Variants in LOC128462377 observed in about 807,000 individuals in gnomAD.
At chr16:89,381,667 C>G in the LOC128462377 span, among the ~76,000 whole-genome samples, 2 of 152,168 alleles carry the variant, frequency 1.3e-5, no homozygotes, top group African/African-American at 4.8e-5. Flanking sequence ...ATCACAGAAA[C>G]CCACCTTCAG....
At chr16:89,370,352 G>A in the LOC128462377 span, among the ~76,000 whole-genome samples, 1 of 152,174 alleles carries the variant, frequency 6.6e-6, no homozygotes, top group African/African-American at 2.4e-5. Context: ...TCCAGAAGGG[G>A]AGACAGGCGT....
the LOC128462377 span, among the ~76,000 whole-genome samples, chr16:89,372,023 T>C: frequency 6.6e-6 from 1 of 152,074 alleles, no homozygotes; most frequent in Non-Finnish European, 1.5e-5. Context: ...AAGAACATGG[T>C]GAAGCCAGGA....
At chr16:89,365,740 G>A in the LOC128462377 span, among the ~76,000 whole-genome samples, 3 of 151,990 alleles carry the variant, frequency 2.0e-5, no homozygotes, top group East Asian at 1.9e-4. Context: ...TTTTAGGTTC[G>A]GGTTGCAGGT....
chr16:89,376,179 T>C, the LOC128462377 span, among the ~76,000 whole-genome samples: 9 of 152,210 alleles, frequency 5.9e-5, no homozygotes, highest in Admixed American at 2.0e-4. Flanking sequence ...AGGATTGCTA[T>C]AAGAAAGGCA....
At chr16:89,348,337 T>G in the LOC128462377 span, among the ~76,000 whole-genome samples, 1 of 152,196 alleles carries the variant, frequency 6.6e-6, no homozygotes, top group Non-Finnish European at 1.5e-5. Flanking sequence ...TAAACCAAAT[T>G]TGAACTTCTG....
the LOC128462377 span, chr16:89,395,806 G>A: frequency 6.6e-6 from 1 of 152,200 alleles, no homozygotes; most frequent in Non-Finnish European, 1.5e-5. Flanking sequence ...TCTCAGCTGG[G>A]TGACACCGCA....
At chr16:89,322,476 C>G in the LOC128462377 span, among the ~76,000 whole-genome samples, 1 of 152,222 alleles carries the variant, frequency 6.6e-6, no homozygotes, top group Non-Finnish European at 1.5e-5. Context: ...TTCAGCCCCT[C>G]CCCTCACGCA....
At chr16:89,345,208 G>GAA in the LOC128462377 span, among the ~76,000 whole-genome samples, 1 of 148,446 alleles carries the variant, frequency 6.7e-6, no homozygotes, top group African/African-American at 2.5e-5. Flanking sequence ...TGTAAAGATG[G>GAA]AAAAAAAAAA....
At chr16:89,398,192 A>G in the LOC128462377 span, among the ~76,000 whole-genome samples, 49 of 144,766 alleles carry the variant, frequency 3.4e-4, no homozygotes, top group African/African-American at 1.1e-3. Flanking sequence ...CATGAGGGAC[A>G]CTGTGAAACA....
At chr16:89,326,180 T>C in the LOC128462377 span, among the ~76,000 whole-genome samples, 2 of 152,166 alleles carry the variant, frequency 1.3e-5, no homozygotes, top group East Asian at 1.9e-4. Context: ...AAAATAATCA[T>C]GGCCGTAAGG....
At chr16:89,399,541 G>A in the LOC128462377 span, among the ~76,000 whole-genome samples, 1 of 152,166 alleles carries the variant, frequency 6.6e-6, no homozygotes, top group Non-Finnish European at 1.5e-5. Flanking sequence ...GGAACACGGG[G>A]GACCTGGGGC....
chr16:89,365,983 G>T, the LOC128462377 span, among the ~76,000 whole-genome samples: 1 of 151,888 alleles, frequency 6.6e-6, no homozygotes, highest in African/African-American at 2.4e-5. Context: ...TCCCTGCATT[G>T]GTTTGTTAAG....
At chr16:89,392,297 T>A in the LOC128462377 span, 1 of 152,420 alleles carries the variant, frequency 6.6e-6, no homozygotes, top group African/African-American at 2.4e-5. Flanking sequence ...CAAGTGCTAT[T>A]TCTTTACGGC....
chr16:89,356,267 G>C, the LOC128462377 span, among the ~76,000 whole-genome samples: 1 of 151,622 alleles, frequency 6.6e-6, no homozygotes, highest in South Asian at 2.1e-4. Context: ...ACGTCCAAAG[G>C]AGACATCTTT....
At chr16:89,377,674 C>T in the LOC128462377 span, among the ~76,000 whole-genome samples, 1 of 152,102 alleles carries the variant, frequency 6.6e-6, no homozygotes, top group African/African-American at 2.4e-5. Context: ...GGGAGGGGTT[C>T]CCACGACTCC....
the LOC128462377 span, among the ~76,000 whole-genome samples, chr16:89,377,723 G>A: frequency 6.6e-6 from 1 of 152,134 alleles, no homozygotes; most frequent in African/African-American, 2.4e-5. Context: ...ACACCTGTCT[G>A]TGACATGGGC....
At chr16:89,394,895 C>T in the LOC128462377 span, among the ~76,000 whole-genome samples, 3 of 152,116 alleles carry the variant, frequency 2.0e-5, no homozygotes, top group African/African-American at 7.2e-5. Context: ...TGTTGGAAAG[C>T]CTAAAGCTTT....
chr16:89,393,579 T>A, the LOC128462377 span, among the ~76,000 whole-genome samples: 147 of 146,488 alleles, frequency 1.0e-3, no homozygotes, highest in Middle Eastern at 0.011. Flanking sequence ...GACCTCAGAG[T>A]GATTTGCCCG....
the LOC128462377 span, among the ~76,000 whole-genome samples, chr16:89,417,033 A>G: frequency 6.6e-6 from 1 of 152,134 alleles, no homozygotes; most frequent in Non-Finnish European, 1.5e-5. Flanking sequence ...CTTCATTCTA[A>G]CTACAAACCA....
Sources: gnomAD v4.1 joint callset for allele counts (sites outside exome capture counted in the v4.1 genomes callset) on GRCh38, gnomAD v4.1.1 for gene constraint, MANE v1.5 for transcripts.